NF2: variants seen among roughly 807,000 people sequenced by gnomAD.
NF2 encodes NF2, moesin-ezrin-radixin like (MERLIN) tumor suppressor, also known as merlin.
A neutral mutation model predicts 83.7 loss-of-function variants in NF2; 8 were observed. That is an observed-to-expected ratio of 0.10 (90% CI 0.06 to 0.17). NF2 has a LOEUF of 0.17. Ranked by LOEUF, NF2 falls within the 10% of genes least tolerant of loss-of-function variation. The pLI, the probability that NF2 is intolerant of heterozygous loss-of-function variation, is 1.00. For missense variants in NF2, 533 were observed against 744.4 expected (o/e 0.72, Z 3.31); for synonymous variants, 266 against 269.6 (o/e 0.99, Z 0.13).
intron 1 of NF2, among the ~76,000 whole-genome samples, chr22:29,623,234 C>T (rs190392156): frequency 4.6e-5 from 7 of 152,292 alleles, no homozygotes; most frequent in Non-Finnish European, 1.0e-4. Context: ...CATGAGCCAA[C>T]ATGCCCAGCT....
At chr22:29,650,181 A>G (rs973807073) in intron 4 of NF2, among the ~76,000 whole-genome samples, 5 of 152,204 alleles carry the variant, frequency 3.3e-5, no homozygotes, top group African/African-American at 1.2e-4. Flanking sequence ...ACTAAAAAAC[A>G]CTGAATTGTA....
At position 29,623,381 on chromosome 22, in the gene NF2, T is replaced by C. The variant is rs79138111; in HGVS notation, c.115-13370T>C. 4.2e-3 allele frequency among the ~76,000 whole-genome samples: 636 copies of C among 152,270 alleles called. 10 individuals are homozygous for C. In the Middle Eastern group the frequency reaches 0.044, roughly 11 times the overall value. On this transcript the variant is annotated intron_variant, in intron 1 of 15. Coordinates refer to ENST00000338641, the MANE Select transcript of NF2 (RefSeq NM_000268.4). The stretch of plus-strand genomic sequence containing the variant: ...GAAGTGTGATTTAAAGTGGTTGGCA[T>C]GCAAAATGATTTGGAACGTTTGGGG...
chr22:29,654,790 A>G (rs1252324825), intron 5 of NF2, 65 bp downstream of exon 5: 2 of 1,237,992 alleles, frequency 1.6e-6, no homozygotes, highest in African/African-American at 1.5e-5. Context: ...AAAGCTAACC[A>G]AAGGACTTGA....
In NF2 at chr22:29,624,842, TTTCTTTCTTTCTTTC is replaced by T. The variant is rs1274419772; in HGVS notation, c.115-11906_115-11892del. Among the ~76,000 whole-genome samples, 5 of 150,428 alleles carry T rather than the reference TTTCTTTCTTTCTTTC, an allele frequency of 3.3e-5. No individual in the cohort carries two copies. In the South Asian group the frequency reaches 1.1e-3, roughly 32 times the overall value. On this transcript the variant is annotated intron_variant, in intron 1 of 15. Coordinates refer to ENST00000338641, the MANE Select transcript of NF2 (RefSeq NM_000268.4). ...CTTTCTTTCTTTCTTTCTTTCTTTC[TTTCTTTCTTTCTTTC>T]TTTCTTTCTTTCTCTTTCTCTCCTC... is the stretch of plus-strand genomic sequence containing the variant.
chr22:29,683,154 G>A (rs2067190246), intron 15 of NF2: 3 of 1,613,604 alleles, frequency 1.9e-6, no homozygotes, highest in South Asian at 1.1e-5. Context: ...TCTGTCCTCG[G>A]GCCACACTGA....
In NF2 at chr22:29,642,624, A is replaced by G. The variant is rs2065843004; in HGVS notation, c.447+339A>G. On this transcript the variant is annotated intron_variant, in intron 4 of 15. Coordinates refer to ENST00000338641, the MANE Select transcript of NF2 (RefSeq NM_000268.4). ...CATGTGGTTTATGACATTTACTGGAAAAACCTTTTTTCTTTTTTTTTTTTA... is the reference window on the plus strand; with the variant it reads ...CATGTGGTTTATGACATTTACTGGAGAAACCTTTTTTCTTTTTTTTTTTTA... 2.0e-5 allele frequency among the ~76,000 whole-genome samples: 3 copies of G among 152,128 alleles called. No individual in the cohort carries two copies. The South Asian group carries it at 6.2e-4, about 31-fold the overall frequency.
chr22:29,670,601 T>G, intron 10 of NF2, among the ~76,000 whole-genome samples: 1 of 151,600 alleles, frequency 6.6e-6, no homozygotes, highest in Non-Finnish European at 1.5e-5. Context: ...GAGTGTGGGA[T>G]AAGATTGAAG....
At chr22:29,662,123 C>T (rs1210539522) in intron 8 of NF2, among the ~76,000 whole-genome samples, 2 of 152,138 alleles carry the variant, frequency 1.3e-5, no homozygotes, top group Non-Finnish European at 2.9e-5. Context: ...ATTCTTCATT[C>T]ATTTTATTTT....
At chr22:29,663,532 T>C (rs2066534646) in intron 8 of NF2, among the ~76,000 whole-genome samples, 1 of 152,250 alleles carries the variant, frequency 6.6e-6, no homozygotes, top group Non-Finnish European at 1.5e-5. Flanking sequence ...CGCCCTGGCA[T>C]GGTGCAGAGC....
chr22:29,662,609 A>G (rs1464608339), intron 8 of NF2, among the ~76,000 whole-genome samples: 2 of 152,250 alleles, frequency 1.3e-5, no homozygotes, highest in African/African-American at 2.4e-5. Flanking sequence ...TCCACATACA[A>G]GCACATTCAC....
At position 29,639,227 on chromosome 22, in the gene NF2, G is replaced by T. The variant is rs2146873498; in HGVS notation, c.363+15G>T. 6.2e-7 allele frequency: 1 copy of T among 1,613,950 alleles called. No homozygotes were observed. Among genetic ancestry groups the T allele is most frequent in the Admixed American group, 1.7e-5 (1 of 60,022 alleles). The stretch of plus-strand genomic sequence containing the variant: ...TCTTCTTACAGGTACATCAGTCAAG[G>T]CTACCCCCCAGTTCTGAGAGAACTT... On this transcript the variant is annotated intron_variant, in intron 3 of 15. Transcript: ENST00000338641.
At chr22:29,673,166 A>G in intron 11 of NF2, 103 bp from the exon 12 acceptor site, 1 of 1,263,482 alleles carries the variant, frequency 7.9e-7, no homozygotes, top group Non-Finnish European at 1.1e-6. Context: ...GCAGGGCCCC[A>G]GGAGTCCGAG....
intron 15 of NF2, among the ~76,000 whole-genome samples, chr22:29,692,136 A>G (rs2067422547): frequency 6.6e-6 from 1 of 152,156 alleles, no homozygotes; most frequent in South Asian, 2.1e-4. Context: ...CTCGGGCAGC[A>G]GCCCTTGCTG....
chr22:29,639,881 CAAAAAAAAAAAAAAAAAA>C (rs763315832), intron 3 of NF2, among the ~76,000 whole-genome samples: 1 of 21,188 alleles, frequency 4.7e-5, no homozygotes, highest in Non-Finnish European at 9.6e-5. Context: ...GGTTCCGTCT[CAAAAAAAAAAAAAAAAAA>C]AAAAAAAAGG....
At chr22:29,648,830 T>A (rs2066057892) in intron 4 of NF2, among the ~76,000 whole-genome samples, 1 of 152,178 alleles carries the variant, frequency 6.6e-6, no homozygotes, top group African/African-American at 2.4e-5. Flanking sequence ...GCACAAACTC[T>A]ATACCCGCCT....
chr22:29,672,316 T>A (rs1454062592), intron 11 of NF2, among the ~76,000 whole-genome samples: 3 of 150,240 alleles, frequency 2.0e-5, no homozygotes, highest in African/African-American at 4.9e-5. Flanking sequence ...TCTCTTTTTT[T>A]TTTTTTTTTT....
intron 1 of NF2, among the ~76,000 whole-genome samples, chr22:29,612,520 T>C (rs1324267456): frequency 6.6e-6 from 1 of 151,686 alleles, no homozygotes; most frequent in Non-Finnish European, 1.5e-5. Flanking sequence ...TTTAATTTCT[T>C]GTAGAGACAG....
chr22:29,652,686 G>C (rs919912893), intron 4 of NF2, among the ~76,000 whole-genome samples: 2 of 152,138 alleles, frequency 1.3e-5, no homozygotes, highest in African/African-American at 4.8e-5. Context: ...TATTATTCCT[G>C]TTTTACAGAT....
Position 29,694,938 on chromosome 22 carries a change from G to A in NF2, c.*136G>A, listed in dbSNP as rs886057340. On this transcript the variant is annotated 3_prime_UTR_variant, in exon 16 of 16. Coordinates refer to ENST00000338641, the MANE Select transcript of NF2 (RefSeq NM_000268.4). The surrounding 1 kb of genome is among the most constrained non-coding windows in gnomAD (Gnocchi z 4.1). ...GAGCTCCAGAACTTTCCCCAGCTGA[G>A]TGAAGAGCCCAGCCCCTCTTATGTG... The A allele has an allele frequency of 1.0e-4, 90 of 864,994 alleles. 1 individual carries two copies. Among genetic ancestry groups the A allele is most frequent in the Non-Finnish European group, 1.6e-4 (84 of 528,288 alleles). The allele number at this position is 864,994 out of a possible 1,614,324, so 53.6% of individuals were successfully genotyped here.
Sources: allele counts gnomAD v4.1 joint callset (sites outside exome capture counted in the v4.1 genomes callset), GRCh38; gene constraint gnomAD v4.1.1; non-coding constraint Gnocchi (gnomAD v3.1); transcripts MANE v1.5; gene names NCBI Gene and HGNC (gene_info 2026-07-23, HGNC 2026-07-21).